Variants in TMEM255B observed in about 807,000 individuals in gnomAD.
The protein encoded by TMEM255B is family with sequence similarity 70, member B.
Under a neutral mutation model 34.5 loss-of-function variants are expected in TMEM255B, and 35 were observed. The ratio of observed to expected loss-of-function variants is 1.01; its 90% CI spans 0.77 to 1.34. The LOEUF (loss-of-function observed/expected upper bound fraction) is 1.34. Ranked by LOEUF, TMEM255B falls within the 40% of genes most tolerant of loss-of-function variation. The pLI is 0.00. For synonymous variants in TMEM255B, 206 were observed against 201.2 expected, an observed-to-expected ratio of 1.02 and a Z score of -0.20; for missense variants, 432 against 433.2, an observed-to-expected ratio of 1.00 and a Z score of 0.02.
chr13:113,761,214 G>A (rs1336313261), intron 1 of TMEM255B: 2 of 985,238 alleles, frequency 2.0e-6, no homozygotes, highest in Admixed American at 6.1e-5. Context: ...TGGCAGGAAG[G>A]CCGGATCTTA....
At chr13:113,802,226 G>A (rs985262910) in intron 7 of TMEM255B, among the ~76,000 whole-genome samples, 1 of 152,186 alleles carries the variant, frequency 6.6e-6, no homozygotes, top group Admixed American at 6.5e-5. Flanking sequence ...GGATTGGCCT[G>A]GGCAGGAGGA....
In TMEM255B at chr13:113,766,244, A is replaced by G. The variant is rs1361082872; in HGVS notation, c.176A>G (p.Tyr59Cys). The G allele has an allele frequency of 6.2e-7, 1 of 1,614,088 alleles. No homozygotes were observed. The highest frequency in any genetic ancestry group is 1.7e-5 in the Admixed American group (1 of 60,024). Residue 59 changes from tyrosine to cysteine, a missense_variant, in exon 2 of 9, where the codon TAC (tyrosine) becomes TGC (cysteine). By Grantham distance (194) the Tyr-to-Cys change is radical. Transcript: ENST00000375353. ...RTENVTVGGYYPGIILGFGSF... is the reference protein window; with the variant it reads ...RTENVTVGGYCPGIILGFGSF... ...GAGAATGTGACCGTTGGGGGCTACT[A>G]CCCAGGGATCATTGTGAGTGCGCCG...
rs372984958 is a variant in TMEM255B at position 113,799,425 on chromosome 13, C to A, written c.423+6C>A. 8.4e-5 allele frequency: 136 copies of A among 1,613,074 alleles called. No individual in the cohort carries two copies. The highest frequency in any genetic ancestry group is 1.2e-4 in the Admixed American group (7 of 59,978). ...ACGATGTCTACCAGACAGAGGTGAG[C>A]AGGAGCACTGAGATTCATGTGGGTT... On this transcript the variant is annotated splice_donor_region_variant and intron_variant, in intron 5 of 8. Coordinates refer to ENST00000375353, the MANE Select transcript of TMEM255B (RefSeq NM_182614.4).
chr13:113,794,250 C>A (rs1484260194), intron 3 of TMEM255B, among the ~76,000 whole-genome samples: 2 of 152,142 alleles, frequency 1.3e-5, no homozygotes, highest in African/African-American at 4.8e-5. Flanking sequence ...TCTGCTCGGT[C>A]GGCTCTGCTC....
chr13:113,780,314 A>G lies in TMEM255B; in HGVS notation c.252+11154A>G, dbSNP rs553649644. Among the ~76,000 whole-genome samples, 13 of 152,338 alleles carry G rather than the reference A, an allele frequency of 8.5e-5. No individual in the cohort carries two copies. The East Asian group carries it at 1.7e-3, about 20-fold the overall frequency. On this transcript the variant is annotated intron_variant, in intron 3 of 8. Coordinates refer to ENST00000375353, the MANE Select transcript of TMEM255B (RefSeq NM_182614.4). ...CTTGGTAAAATAACCAGTTTCTCCA[A>G]TTGTGTCCTGTTACAAAAGAAAACA...
chr13:113,759,819 C>T (rs1311847342), intron 1 of TMEM255B, among the ~76,000 whole-genome samples: 2 of 152,210 alleles, frequency 1.3e-5, no homozygotes, highest in African/African-American at 4.8e-5. Flanking sequence ...TGCTTGGTTT[C>T]GGCTCGCCCC....
chr13:113,763,734 G>A (rs993375607), intron 1 of TMEM255B, among the ~76,000 whole-genome samples: 3 of 152,138 alleles, frequency 2.0e-5, no homozygotes, highest in African/African-American at 7.2e-5. Flanking sequence ...CTGCTCTTCT[G>A]AGCAGCGTAA....
chr13:113,761,196 G>A, intron 1 of TMEM255B: 4 of 985,370 alleles, frequency 4.1e-6, no homozygotes, highest in Non-Finnish European at 3.6e-6. Flanking sequence ...GGGCGTTCCA[G>A]GTCCGGCTGG....
At chr13:113,809,301 G>A (rs1249239204) in intron 8 of TMEM255B, among the ~76,000 whole-genome samples, 2 of 36,688 alleles carry the variant, frequency 5.5e-5, no homozygotes, top group Admixed American at 2.5e-4. Context: ...GGTTTACTCT[G>A]TGGTTCCTGG....
In TMEM255B at chr13:113,797,809, T is replaced by C. The variant is rs139330509; in HGVS notation, c.343-1530T>C. Among the ~76,000 whole-genome samples, 952 of 152,370 alleles carry C rather than the reference T, an allele frequency of 6.2e-3. 3 individuals are homozygous for C. Among genetic ancestry groups the C allele is most frequent in the Middle Eastern group, 0.031 (9 of 294 alleles). On this transcript the variant is annotated intron_variant, in intron 4 of 8. Coordinates refer to ENST00000375353, the MANE Select transcript of TMEM255B (RefSeq NM_182614.4). ...CTAATAAAACTAAACGTGGGCAATGTGACCCTAGCTTATTTGCAGGTGATG... is the reference window on the plus strand; with the variant it reads ...CTAATAAAACTAAACGTGGGCAATGCGACCCTAGCTTATTTGCAGGTGATG...
intron 3 of TMEM255B, among the ~76,000 whole-genome samples, chr13:113,784,281 A>AT (rs2050707768): frequency 6.6e-6 from 1 of 152,160 alleles, no homozygotes; most frequent in Admixed American, 6.5e-5. Flanking sequence ...ATTCCTGTTT[A>AT]TAAAGAGGAC....
At chr13:113,802,330 G>A (rs2051081234) in intron 7 of TMEM255B, among the ~76,000 whole-genome samples, 1 of 152,240 alleles carries the variant, frequency 6.6e-6, no homozygotes, top group Admixed American at 6.5e-5. Context: ...ACTGGCCCGG[G>A]CCGGATGTCC....
At chr13:113,788,640 C>T (rs930524687) in intron 3 of TMEM255B, among the ~76,000 whole-genome samples, 2 of 152,246 alleles carry the variant, frequency 1.3e-5, no homozygotes, top group Admixed American at 6.5e-5. Context: ...ATGGAAGTGG[C>T]TGCTCTTGCC....
intron 3 of TMEM255B, among the ~76,000 whole-genome samples, chr13:113,791,193 A>G (rs2050827024): frequency 6.6e-6 from 1 of 152,116 alleles, no homozygotes. Flanking sequence ...GCTCCATGGC[A>G]TTCATGAGGG....
chr13:113,797,756 G>C (rs888329383), intron 4 of TMEM255B, among the ~76,000 whole-genome samples: 1 of 152,206 alleles, frequency 6.6e-6, no homozygotes, highest in East Asian at 1.9e-4. Context: ...ACTTTTCTTG[G>C]TTCAGAACTA....
In TMEM255B at chr13:113,772,982, G is replaced by T. The variant is rs193125322; in HGVS notation, c.252+3822G>T. Among the ~76,000 whole-genome samples, 140 of 152,340 alleles carry T rather than the reference G, an allele frequency of 9.2e-4. 1 individual carries two copies. The East Asian group carries it at 0.017, about 19-fold the overall frequency. On this transcript the variant is annotated intron_variant, in intron 3 of 8. Coordinates refer to ENST00000375353, the MANE Select transcript of TMEM255B (RefSeq NM_182614.4). ...AGGGATGTGCTGAATCTGTAGCTCA[G>T]TGTAGGGAGTGTTACCATCTTAATA...
rs776689772 is a variant in TMEM255B at position 113,804,997 on chromosome 13, C to T, written c.782C>T (p.Pro261Leu). The T allele has an allele frequency of 1.0e-5, 16 of 1,605,706 alleles. No individual in the cohort carries two copies. The highest frequency in any genetic ancestry group is 6.7e-5 in the East Asian group (3 of 44,806). The change falls in exon 8 of 9, where the codon CCG becomes CTG. Residue 261 changes from proline to leucine, a missense_variant. By Grantham distance (98) the Pro-to-Leu change is moderately conservative. Transcript: ENST00000375353. ...AGFRLTPEPV[P>L]TCSSYPLPLQ... ...TTCCGCCTGACGCCCGAGCCCGTCC[C>T]GACCTGCTCGTCCTACCCTCTGCCC...
intron 3 of TMEM255B, among the ~76,000 whole-genome samples, chr13:113,794,762 G>A (rs8002917): frequency 0.028 from 4,196 of 152,336 alleles, 195 homozygotes; most frequent in African/African-American, 0.095. Context: ...CAGGTTGTGC[G>A]ACAGTGTGTG....
At chr13:113,766,652 C>T (rs1160415440) in intron 2 of TMEM255B, among the ~76,000 whole-genome samples, 1 of 152,214 alleles carries the variant, frequency 6.6e-6, no homozygotes, top group Non-Finnish European at 1.5e-5. Context: ...AGAGCCTCCC[C>T]AAGCATCCTG....
Sources: allele counts gnomAD v4.1 joint callset (sites outside exome capture counted in the v4.1 genomes callset), GRCh38; gene constraint gnomAD v4.1.1; transcripts MANE v1.5; gene names NCBI Gene and HGNC (gene_info 2026-07-23, HGNC 2026-07-21).